Variants in SRL observed in about 807,000 individuals in gnomAD.
SRL encodes the protein sarcalumenin.
Under a neutral mutation model 39.5 loss-of-function variants are expected in SRL, and 23 were observed. That is an observed-to-expected ratio of 0.58 (90% confidence interval 0.42 to 0.82). The LOEUF is 0.82. Ranked by LOEUF, SRL falls within the 40% of genes least tolerant of loss-of-function variation. The pLI, the probability that SRL is intolerant of heterozygous loss-of-function variation, is 0.00. For synonymous variants in SRL, 272 were observed against 237.4 expected, an observed-to-expected ratio of 1.15 and a Z score of -1.34; for missense variants, 592 against 607.8, an observed-to-expected ratio of 0.97 and a Z score of 0.27.
intron 1 of SRL, among the ~76,000 whole-genome samples, chr16:4,217,457 G>A (rs140634263): frequency 0.018 from 2,740 of 152,208 alleles, 38 homozygotes; most frequent in Non-Finnish European, 0.027. Context: ...TCACTATGTT[G>A]CCCAGGCTGG....
At chr16:4,217,550 C>A (rs1330768495) in intron 1 of SRL, among the ~76,000 whole-genome samples, 1 of 152,178 alleles carries the variant, frequency 6.6e-6, no homozygotes, top group African/African-American at 2.4e-5. Flanking sequence ...CTGGCCCCTC[C>A]CCTGCTGTCT....
chr16:4,212,769 G>A (rs184413178), intron 1 of SRL, among the ~76,000 whole-genome samples: 5 of 151,986 alleles, frequency 3.3e-5, no homozygotes, highest in Admixed American at 1.3e-4. Context: ...CAACAATCCT[G>A]CTTCTCCCAC....
chr16:4,194,697 C>T (rs1406354780), intron 5 of SRL, among the ~76,000 whole-genome samples: 1 of 152,126 alleles, frequency 6.6e-6, no homozygotes, highest in Non-Finnish European at 1.5e-5. Flanking sequence ...TAGGCCCCCA[C>T]TTTGGAAAAT....
At chr16:4,226,893 AGGAT>A (rs2052596715) in intron 1 of SRL, among the ~76,000 whole-genome samples, 1 of 149,552 alleles carries the variant, frequency 6.7e-6, no homozygotes, top group East Asian at 2.0e-4. Context: ...GATGAATGGA[AGGAT>A]GGATGAATGG....
chr16:4,218,868 A>C (rs2052490307), intron 1 of SRL, among the ~76,000 whole-genome samples: 1 of 152,222 alleles, frequency 6.6e-6, no homozygotes, highest in Non-Finnish European at 1.5e-5. Flanking sequence ...GGGCAGCAAG[A>C]ATACACAAAT....
intron 1 of SRL, among the ~76,000 whole-genome samples, chr16:4,211,251 C>A (rs1432089277): frequency 6.6e-6 from 1 of 152,236 alleles, no homozygotes; most frequent in African/African-American, 2.4e-5. Flanking sequence ...GGCTTCAGCT[C>A]CCAGGCCCTC....
chr16:4,218,350 A>G (rs919223438), intron 1 of SRL, among the ~76,000 whole-genome samples: 1 of 152,166 alleles, frequency 6.6e-6, no homozygotes, highest in Admixed American at 6.5e-5. Context: ...AGGGCCCTTC[A>G]AAGCTCTCTG....
Position 4,195,550 on chromosome 16 carries a change from T to C in SRL, c.610+3A>G. The C allele has an allele frequency of 6.2e-7, 1 of 1,613,916 alleles. No individual in the cohort carries two copies. The highest frequency in any genetic ancestry group is 1.1e-5 in the South Asian group (1 of 91,078). ...CACTGTTCAGAAATGAGGGCTAAATTACCTCTTTCTTGCTGCTTGCGGTTC... is the reference window on the plus strand; with the variant it reads ...CACTGTTCAGAAATGAGGGCTAAATCACCTCTTTCTTGCTGCTTGCGGTTC... On this transcript the variant is annotated splice_donor_region_variant and intron_variant, in intron 5 of 5. Transcript: ENST00000399609.
rs1567179889 is a variant in SRL, at chr16:4,207,942, TC to T, written c.62-3309del. Reference sequence around the variant, plus strand: ...GGGGGTCTTCTTGGGGCTCTCGGCCTCCCTGCCATCTGGGTAGTGAAGGAGC... The same window carrying T: ...GGGGGTCTTCTTGGGGCTCTCGGCCTCCTGCCATCTGGGTAGTGAAGGAGC... On this transcript the variant is annotated intron_variant, in intron 1 of 5. Coordinates refer to ENST00000399609, the MANE Select transcript of SRL (RefSeq NM_001098814.2). 6.6e-6 allele frequency: 3 copies of T among 456,784 alleles called. No individual in the cohort carries two copies. The Admixed American group carries it at 7.0e-5, about 11-fold the overall frequency. 28.3% of individuals were successfully genotyped at this position (456,784 alleles called of 1,614,324 possible). A position where few individuals can be genotyped will look rare whatever the true frequency, so the allele number is the denominator to read the frequency against.
At chr16:4,224,368 T>G (rs1381523544) in intron 1 of SRL, among the ~76,000 whole-genome samples, 1 of 152,132 alleles carries the variant, frequency 6.6e-6, no homozygotes, top group African/African-American at 2.4e-5. Flanking sequence ...GGAGGAATTC[T>G]GAAAGCTGGA....
chr16:4,232,388 C>G (rs760925213), intron 1 of SRL, among the ~76,000 whole-genome samples: 1 of 152,204 alleles, frequency 6.6e-6, no homozygotes, highest in Non-Finnish European at 1.5e-5. Context: ...CTAGAGGCCT[C>G]TCTGGTGGAC....
At chr16:4,237,457 T>C (rs2052725201) in intron 1 of SRL, among the ~76,000 whole-genome samples, 1 of 152,090 alleles carries the variant, frequency 6.6e-6, no homozygotes, top group Non-Finnish European at 1.5e-5. Context: ...CTCCCTCACC[T>C]ACCTCTCTGG....
chr16:4,190,695 C>G lies in SRL; in HGVS notation c.*1458G>C. 1 of 382,536 alleles carries G rather than the reference C, an allele frequency of 2.6e-6. No individual in the cohort carries two copies. The highest frequency in any genetic ancestry group is 4.6e-6 in the Non-Finnish European group (1 of 215,906). The allele number at this position is 382,536 out of a possible 1,614,324, so 23.7% of individuals were successfully genotyped here. On this transcript the variant is annotated 3_prime_UTR_variant, in exon 6 of 6. Transcript: ENST00000399609. ...GGTATTGAAGGCCCTGGCTTTCCTG[C>G]GGTGTGTTCAGTGGACATCTGCATC...
intron 3 of SRL, 89 bp from the exon 4 acceptor site, chr16:4,198,004 C>A: frequency 1.1e-6 from 1 of 872,280 alleles, no homozygotes; most frequent in Admixed American, 1.8e-5. Flanking sequence ...TCTCACCGTC[C>A]ATCCAACTGA....
intron 5 of SRL, 130 bp from the exon 6 acceptor site, chr16:4,193,094 G>A (rs934915667): frequency 3.9e-6 from 3 of 773,804 alleles, no homozygotes; most frequent in Admixed American, 2.9e-5. Context: ...GGTTTCTACA[G>A]ACTATTAAAA....
chr16:4,241,925 T>A (rs908086495), intron 1 of SRL, 82 bp downstream of exon 1: 24 of 1,525,914 alleles, frequency 1.6e-5, no homozygotes, highest in Middle Eastern at 1.7e-4. Flanking sequence ...CCCGACCCCC[T>A]ACCCAACCCA....
intron 3 of SRL, among the ~76,000 whole-genome samples, chr16:4,200,734 A>C (rs191282348): frequency 2.6e-5 from 4 of 152,358 alleles, no homozygotes. Context: ...AGGCTACAAA[A>C]AATAGTACAG....
At chr16:4,207,280 A>C (rs9922726) in intron 1 of SRL, 259,097 of 456,316 alleles carry the variant, frequency 0.57, 75,853 homozygotes, top group African/African-American at 0.77. Flanking sequence ...ATCTCTGGGG[A>C]CTGGTTCTCC....
chr16:4,240,095 G>C (rs2052756575), intron 1 of SRL, among the ~76,000 whole-genome samples: 2 of 152,208 alleles, frequency 1.3e-5, no homozygotes, highest in Admixed American at 6.5e-5. Context: ...CAACAAGGAG[G>C]AGAAGCCGGA....
Sources: allele counts gnomAD v4.1 joint callset (sites outside exome capture counted in the v4.1 genomes callset), GRCh38; gene constraint gnomAD v4.1.1; transcripts MANE v1.5; gene names NCBI Gene and HGNC (gene_info 2026-07-23, HGNC 2026-07-21).